Variants in CCDC60 observed in about 807,000 individuals in gnomAD.
CCDC60 encodes coiled-coil domain-containing protein 60.
A neutral mutation model predicts 63.5 loss-of-function variants in CCDC60; 54 were observed. The ratio of observed to expected loss-of-function variants is 0.85; its 90% confidence interval spans 0.68 to 1.07. The LOEUF is 1.07. Among genes scored for constraint, CCDC60 ranks in the 50% least tolerant of loss-of-function variants. The pLI is 0.00. For synonymous variants in CCDC60, 206 were observed against 238.8 expected (o/e 0.86, Z 1.27); for missense variants, 651 against 684.3 (o/e 0.95, Z 0.54).
chr12:119,481,528 G>C (rs1951317933), intron 4 of CCDC60, among the ~76,000 whole-genome samples: 2 of 152,152 alleles, frequency 1.3e-5, no homozygotes. Flanking sequence ...CCCATCTTCT[G>C]TCAATGTCAG....
intron 1 of CCDC60, among the ~76,000 whole-genome samples, chr12:119,380,533 C>G (rs1006077972): frequency 6.6e-6 from 1 of 152,224 alleles, no homozygotes; most frequent in Non-Finnish European, 1.5e-5. Context: ...AGATTTGGTG[C>G]TAGAATTCTT....
At chr12:119,500,220 T>C in intron 6 of CCDC60, 52 bp downstream of exon 6, 1 of 1,232,272 alleles carries the variant, frequency 8.1e-7, no homozygotes, top group African/African-American at 1.6e-5. Context: ...CCAGCTTGTG[T>C]TGAGGAGTAT....
intron 7 of CCDC60, among the ~76,000 whole-genome samples, chr12:119,514,342 ATTTT>A (rs34264020): frequency 2.4e-5 from 3 of 127,350 alleles, no homozygotes; most frequent in African/African-American, 5.9e-5. Context: ...ACATCTGGCT[ATTTT>A]TTTTTTTTTT....
At chr12:119,492,971 A>G (rs142602427) in intron 5 of CCDC60, among the ~76,000 whole-genome samples, 3 of 152,266 alleles carry the variant, frequency 2.0e-5, no homozygotes, top group Non-Finnish European at 2.9e-5. Flanking sequence ...AACAGGTGAG[A>G]CCTATGTTCA....
chr12:119,480,586 CTCATCACCATCATCACCATCACCA>C (rs1951282235), intron 4 of CCDC60, among the ~76,000 whole-genome samples: 1 of 148,506 alleles, frequency 6.7e-6, no homozygotes, highest in Non-Finnish European at 1.5e-5. Context: ...CACCATCATC[CTCATCACCATCATCACCATCACCA>C]TCATCATCAT....
At chr12:119,380,140 T>G (rs1955993448) in intron 1 of CCDC60, among the ~76,000 whole-genome samples, 1 of 152,218 alleles carries the variant, frequency 6.6e-6, no homozygotes, top group African/African-American at 2.4e-5. Context: ...AGAGGCTTTT[T>G]CAAGATTTTT....
intron 11 of CCDC60, 90 bp from the exon 12 acceptor site, chr12:119,528,525 G>C (rs1405044056): frequency 2.2e-6 from 3 of 1,392,868 alleles, no homozygotes; most frequent in African/African-American, 2.9e-5. Context: ...TGAAGGAAAA[G>C]GTGTTTAAGT....
chr12:119,490,649 C>A (rs1174376867), intron 5 of CCDC60, among the ~76,000 whole-genome samples: 1 of 152,054 alleles, frequency 6.6e-6, no homozygotes, highest in Admixed American at 6.6e-5. Context: ...ACCACAGCCT[C>A]GAACTCCTGG....
At chr12:119,432,853 A>G (rs773448354) in intron 2 of CCDC60, among the ~76,000 whole-genome samples, 8 of 152,226 alleles carry the variant, frequency 5.3e-5, no homozygotes, top group Non-Finnish European at 8.8e-5. Flanking sequence ...ATGAATTTAC[A>G]ATTAAGTACA....
chr12:119,354,465 C>T (rs895313155), intron 1 of CCDC60, among the ~76,000 whole-genome samples: 8 of 152,134 alleles, frequency 5.3e-5, no homozygotes, highest in Admixed American at 1.3e-4. Flanking sequence ...AGAAAATCAT[C>T]GGGTGTCTCC....
chr12:119,534,139 C>T (rs1192565170), intron 13 of CCDC60, among the ~76,000 whole-genome samples: 1 of 152,100 alleles, frequency 6.6e-6, no homozygotes, highest in Non-Finnish European at 1.5e-5. Context: ...CTTCACATCC[C>T]TTGTAAGTTG....
chr12:119,409,028 T>C (rs2136193139), intron 1 of CCDC60, among the ~76,000 whole-genome samples: 1 of 152,264 alleles, frequency 6.6e-6, no homozygotes, highest in African/African-American at 2.4e-5. Context: ...TTTTGCCATG[T>C]TCTAGTCATT....
chr12:119,476,125 T>A (rs538179564), intron 3 of CCDC60, among the ~76,000 whole-genome samples: 1 of 152,268 alleles, frequency 6.6e-6, no homozygotes, highest in Admixed American at 6.5e-5. Flanking sequence ...GACAAAAATT[T>A]TAAGTCTGAC....
At chr12:119,363,370 G>T (rs1280206490) in intron 1 of CCDC60, among the ~76,000 whole-genome samples, 1 of 151,836 alleles carries the variant, frequency 6.6e-6, no homozygotes, top group Non-Finnish European at 1.5e-5. Flanking sequence ...GCAAAATTTT[G>T]TCCTCTATTA....
intron 2 of CCDC60, among the ~76,000 whole-genome samples, chr12:119,445,551 A>G (rs1443248622): frequency 1.3e-5 from 2 of 150,550 alleles, no homozygotes; most frequent in African/African-American, 4.9e-5. Context: ...GTTGAGAACA[A>G]TTCTTCAACA....
intron 1 of CCDC60, among the ~76,000 whole-genome samples, chr12:119,404,795 G>A (rs1649648542): frequency 6.6e-6 from 1 of 152,006 alleles, no homozygotes; most frequent in African/African-American, 2.4e-5. Context: ...GCCCAGCAGG[G>A]CCCCTTAGAG....
intron 13 of CCDC60, among the ~76,000 whole-genome samples, chr12:119,535,673 C>A (rs979604818): frequency 3.3e-5 from 5 of 152,152 alleles, no homozygotes; most frequent in Admixed American, 2.0e-4. Flanking sequence ...TCGTTATGTA[C>A]CCAGTAGTCA....
intron 6 of CCDC60, among the ~76,000 whole-genome samples, chr12:119,501,812 G>A (rs1415421125): frequency 6.6e-6 from 1 of 152,228 alleles, no homozygotes; most frequent in Admixed American, 6.5e-5. Context: ...CTGAATTCAA[G>A]TTTGTGGGTC....
chr12:119,531,201 T>C (rs1952831525), intron 13 of CCDC60, 138 bp downstream of exon 13: 4 of 719,510 alleles, frequency 5.6e-6, no homozygotes, highest in Non-Finnish European at 9.0e-6. Context: ...AGTAGAGGGA[T>C]TGTCCCATTA....
Sources: gnomAD v4.1 joint callset for allele counts (sites outside exome capture counted in the v4.1 genomes callset) on GRCh38, gnomAD v4.1.1 for gene constraint, MANE v1.5 for transcripts, NCBI Gene and HGNC (gene_info 2026-07-23, HGNC 2026-07-21) for gene names.